Variants in DOCK7 observed in about 807,000 individuals in gnomAD.
DOCK7 encodes dedicator of cytokinesis 7, also known as dedicator of cytokinesis protein 7.
DOCK7 carries 138 observed loss-of-function variants against 271.0 expected under a neutral mutation model. That is an observed-to-expected ratio of 0.51 (90% CI 0.44 to 0.59). DOCK7 has a LOEUF of 0.59. DOCK7 is among the 20% of genes least tolerant of loss of function. The probability of loss-of-function intolerance (pLI) is 0.00; values close to 1 mark genes in which losing one functional copy is unlikely to be tolerated. For synonymous variants in DOCK7, 823 were observed against 876.1 expected (o/e 0.94, Z 1.07); for missense variants, 2,066 against 2,592.4 (o/e 0.80, Z 4.41).
intron 49 of DOCK7, 98 bp from the exon 50 acceptor site, chr1:62,455,554 G>A: frequency 8.7e-7 from 1 of 1,152,358 alleles, no homozygotes; most frequent in Non-Finnish European, 1.3e-6. Flanking sequence ...TTACCTTAAA[G>A]TTTTGCCACC....
chr1:62,614,152 G>A (rs1652154021), intron 14 of DOCK7, among the ~76,000 whole-genome samples: 1 of 151,976 alleles, frequency 6.6e-6, no homozygotes, highest in Admixed American at 6.6e-5. Context: ...TGAGCTAAAA[G>A]ATTATCATCA....
In DOCK7 at chr1:62,490,109, T is replaced by C. The variant is rs956082461; in HGVS notation, c.5362-1044A>G. ...AATAAGAGACAGGGTCTTGTTCTAT[T>C]GTTTAGGTTGGAGTGCAGTGGTGTG... On this transcript the variant is annotated intron_variant, in intron 41 of 49. Coordinates refer to ENST00000635253, the MANE Select transcript of DOCK7 (RefSeq NM_001367561.1). Among the ~76,000 whole-genome samples the C allele has an allele frequency of 6.6e-5, 10 of 151,352 alleles. No homozygotes were observed. In the South Asian group the frequency reaches 2.1e-3, roughly 32 times the overall value.
At chr1:62,601,996 G>A in intron 14 of DOCK7, 1 of 649,212 alleles carries the variant, frequency 1.5e-6, no homozygotes, top group Non-Finnish European at 2.7e-6. Flanking sequence ...ATATATATGA[G>A]TATTCGTATA....
chr1:62,668,560 T>A (rs990162174), intron 1 of DOCK7, among the ~76,000 whole-genome samples: 6 of 152,166 alleles, frequency 3.9e-5, no homozygotes, highest in African/African-American at 1.4e-4. Context: ...TGTATTAATA[T>A]TTTAGAGATG....
intron 40 of DOCK7, 67 bp downstream of exon 40, chr1:62,494,208 C>A: frequency 7.3e-7 from 1 of 1,370,466 alleles, no homozygotes; most frequent in South Asian, 1.8e-5. Context: ...AATCTAAACA[C>A]CAGTGAGAAA....
At chr1:62,623,417 T>C (rs1398013823) in intron 12 of DOCK7, among the ~76,000 whole-genome samples, 1 of 152,240 alleles carries the variant, frequency 6.6e-6, no homozygotes, top group Non-Finnish European at 1.5e-5. Flanking sequence ...TTCATAATCA[T>C]TTTGTGCTAC....
chr1:62,540,026 AT>A (rs1051810926), intron 25 of DOCK7, 134 bp from the exon 26 acceptor site: 6 of 579,446 alleles, frequency 1.0e-5, no homozygotes, highest in African/African-American at 1.9e-5. Flanking sequence ...CTTCTCAAAT[AT>A]TTTTTAAAGT....
chr1:62,621,078 T>C (rs1653164403), intron 12 of DOCK7, among the ~76,000 whole-genome samples: 1 of 151,188 alleles, frequency 6.6e-6, no homozygotes, highest in African/African-American at 2.4e-5. Flanking sequence ...ATTTCTCCAA[T>C]GCAAAATCTG....
At chr1:62,521,504 C>T (rs1057265637) in intron 31 of DOCK7, among the ~76,000 whole-genome samples, 2 of 151,948 alleles carry the variant, frequency 1.3e-5, no homozygotes, top group Non-Finnish European at 2.9e-5. Context: ...CAATACATTT[C>T]GACTGTCTGG....
intron 14 of DOCK7, among the ~76,000 whole-genome samples, chr1:62,616,240 A>G (rs992843492): frequency 1.3e-5 from 2 of 151,750 alleles, no homozygotes; most frequent in African/African-American, 4.8e-5. Flanking sequence ...CTCACTTGGT[A>G]TGAGCGCATT....
chr1:62,486,026 A>T (rs1021505695), intron 43 of DOCK7: 1 of 152,094 alleles, frequency 6.6e-6, no homozygotes, highest in African/African-American at 2.4e-5. Flanking sequence ...ACTAGTAATA[A>T]ACTGCTCAGA....
At chr1:62,560,186 C>T (rs1646276769) in intron 19 of DOCK7, among the ~76,000 whole-genome samples, 4 of 152,064 alleles carry the variant, frequency 2.6e-5, no homozygotes, top group African/African-American at 2.4e-5. Flanking sequence ...TGCTGAGTCC[C>T]GTAAGTCCTC....
intron 7 of DOCK7, among the ~76,000 whole-genome samples, chr1:62,639,938 C>T (rs964061516): frequency 6.7e-6 from 1 of 149,726 alleles, no homozygotes; most frequent in African/African-American, 2.5e-5. Context: ...GGATTCAGTA[C>T]ACAATTTGAG....
At chr1:62,495,753 G>A in intron 38 of DOCK7, 72 bp from the exon 39 acceptor site, 1 of 1,171,818 alleles carries the variant, frequency 8.5e-7, no homozygotes, top group Non-Finnish European at 1.2e-6. Flanking sequence ...TAGTTTCAGA[G>A]ATATTTCAGA....
intron 1 of DOCK7, among the ~76,000 whole-genome samples, chr1:62,666,220 C>A (rs1444039593): frequency 6.6e-6 from 1 of 152,046 alleles, no homozygotes; most frequent in Non-Finnish European, 1.5e-5. Flanking sequence ...TGACATTACT[C>A]CATGTACAGC....
rs540869629 is a variant in DOCK7, at chr1:62,643,531, C to T, written c.818+4160G>A. Among the ~76,000 whole-genome samples the T allele has an allele frequency of 2.0e-5, 3 of 152,260 alleles. No individual in the cohort carries two copies. The South Asian group carries it at 6.2e-4, about 32-fold the overall frequency. ...CTTTGCATAGGATCTCTTTTTCTCT[C>T]TGGCCGCTTTTAATACAGTTTCTTG... On this transcript the variant is annotated intron_variant, in intron 7 of 49. Coordinates refer to ENST00000635253, the MANE Select transcript of DOCK7 (RefSeq NM_001367561.1).
At chr1:62,485,258 A>G in intron 43 of DOCK7, 1 of 985,420 alleles carries the variant, frequency 1.0e-6, no homozygotes, top group Non-Finnish European at 1.2e-6. Context: ...AGGAGATAAC[A>G]GCCACATGAC....
chr1:62,624,804 C>T (rs1305179245), intron 12 of DOCK7, among the ~76,000 whole-genome samples: 1 of 151,976 alleles, frequency 6.6e-6, no homozygotes, highest in Non-Finnish European at 1.5e-5. Context: ...AGTATCCTGT[C>T]TCTACTAAAA....
At chr1:62,555,704 G>T in intron 21 of DOCK7, 121 bp downstream of exon 21, 1 of 1,050,698 alleles carries the variant, frequency 9.5e-7, no homozygotes, top group Non-Finnish European at 1.3e-6. Context: ...TACTTAGCAG[G>T]TGTTCAATAA....
Sources: allele counts gnomAD v4.1 joint callset (sites outside exome capture counted in the v4.1 genomes callset), GRCh38; gene constraint gnomAD v4.1.1; transcripts MANE v1.5; gene names NCBI Gene and HGNC (gene_info 2026-07-23, HGNC 2026-07-21).